The following PCSK5 variants were observed in gnomAD, a reference collection of about 807,000 sequenced individuals.
The protein encoded by PCSK5 is proprotein convertase subtilisin/kexin type 5.
Under a neutral mutation model 233.2 loss-of-function variants are expected in PCSK5, and 129 were observed. The observed-to-expected ratio is 0.55, with a 90% confidence interval of 0.48 to 0.64. PCSK5 has a LOEUF of 0.64. PCSK5 is among the 30% of genes least tolerant of loss of function. The pLI is 0.00. For synonymous variants in PCSK5, 825 were observed against 879.2 expected, an observed-to-expected ratio of 0.94 and a Z score of 1.09; for missense variants, 2,076 against 2,430.1, an observed-to-expected ratio of 0.85 and a Z score of 3.06.
intron 5 of PCSK5, among the ~76,000 whole-genome samples, chr9:76,040,845 A>G (rs566552889): frequency 5.3e-5 from 8 of 152,354 alleles, no homozygotes; most frequent in African/African-American, 1.9e-4. Flanking sequence ...ATTTCTGAAT[A>G]CCTAGTAGAA....
intron 24 of PCSK5, 121 bp downstream of exon 24, chr9:76,240,805 T>C (rs1826407159): frequency 1.4e-6 from 1 of 695,040 alleles, no homozygotes; most frequent in Non-Finnish European, 2.6e-6. Flanking sequence ...AGTGACACCA[T>C]CAACGTCTTA....
intron 20 of PCSK5, chr9:76,194,105 C>T (rs1313658126): frequency 6.6e-6 from 1 of 152,318 alleles, no homozygotes; most frequent in African/African-American, 2.4e-5. Context: ...TCTGTATAGT[C>T]AAATTGGTGA....
chr9:76,301,289 AAAAG>A (rs1196843437), intron 27 of PCSK5, among the ~76,000 whole-genome samples: 1 of 151,296 alleles, frequency 6.6e-6, no homozygotes. Flanking sequence ...AAAAAGAAAG[AAAAG>A]AAAGAAAGCC....
intron 5 of PCSK5, among the ~76,000 whole-genome samples, chr9:76,032,107 T>G (rs1287627132): frequency 1.3e-5 from 2 of 152,198 alleles, no homozygotes; most frequent in Non-Finnish European, 2.9e-5. Context: ...TCCTTGAATT[T>G]GATATAAAAT....
intron 13 of PCSK5, 51 bp from the exon 14 acceptor site, chr9:76,174,935 G>A (rs1823505549): frequency 1.3e-6 from 2 of 1,539,578 alleles, no homozygotes; most frequent in South Asian, 1.3e-5. Context: ...ATGTTACAGA[G>A]CTAAAGAGGG....
intron 24 of PCSK5, among the ~76,000 whole-genome samples, chr9:76,266,889 A>G (rs1827349777): frequency 7.5e-6 from 1 of 133,994 alleles, no homozygotes; most frequent in African/African-American, 2.9e-5. Flanking sequence ...CTTTGGACTA[A>G]CAACACAGCC....
In PCSK5 at chr9:76,361,943, C is replaced by T. The variant is rs1464615703; in HGVS notation, c.*3021C>T. The T allele has an allele frequency of 6.6e-6, 1 of 151,950 alleles. No individual in the cohort carries two copies. Among genetic ancestry groups the T allele is most frequent in the African/African-American group, 2.4e-5 (1 of 41,366 alleles). 9.4% of individuals were successfully genotyped at this position (151,950 alleles called of 1,614,324 possible). On this transcript the variant is annotated 3_prime_UTR_variant, in exon 38 of 38. Coordinates refer to ENST00000674117, the MANE Select transcript of PCSK5 (RefSeq NM_001372043.1). ...TGAGTTTGACATTTCTTTCTGTAAA[C>T]TGGAAATTGTTTTCTATGAAAAAAA...
intron 24 of PCSK5, among the ~76,000 whole-genome samples, chr9:76,266,372 T>C (rs1165991656): frequency 2.0e-5 from 3 of 152,196 alleles, no homozygotes; most frequent in East Asian, 1.9e-4. Context: ...TAATTGGCAA[T>C]AATGGGCCAA....
At chr9:76,353,744 G>A (rs953058847) in intron 36 of PCSK5, among the ~76,000 whole-genome samples, 1 of 152,214 alleles carries the variant, frequency 6.6e-6, no homozygotes. Flanking sequence ...GACCTGAGCT[G>A]TCCTTGAGCA....
intron 1 of PCSK5, among the ~76,000 whole-genome samples, chr9:75,920,215 C>T (rs1395609897): frequency 6.6e-6 from 1 of 152,140 alleles, no homozygotes; most frequent in Non-Finnish European, 1.5e-5. Flanking sequence ...GGGGGAGCTT[C>T]TCCTCCTAAT....
chr9:76,362,260 CA>C lies in PCSK5; in HGVS notation c.*3342del, dbSNP rs1830442335. On this transcript the variant is annotated 3_prime_UTR_variant, in exon 38 of 38. Coordinates refer to ENST00000674117, the MANE Select transcript of PCSK5 (RefSeq NM_001372043.1). The stretch of plus-strand genomic sequence containing the variant: ...GAATCCTTGTAGACTGGAAACACAC[CA>C]AAAGGCTGGGTAAAGCATGGGAGGT... The C allele has an allele frequency of 6.6e-6, 1 of 152,088 alleles. No homozygotes were observed. Among genetic ancestry groups the C allele is most frequent in the Non-Finnish European group, 1.5e-5 (1 of 68,006 alleles). The allele number at this position is 152,088 out of a possible 1,614,324, so 9.4% of individuals were successfully genotyped here. A position where few individuals can be genotyped will look rare whatever the true frequency, so the allele number is the denominator to read the frequency against.
intron 5 of PCSK5, among the ~76,000 whole-genome samples, chr9:76,032,775 A>G (rs1828701837): frequency 6.6e-6 from 1 of 152,154 alleles, no homozygotes; most frequent in African/African-American, 2.4e-5. Flanking sequence ...TTCCAATAAA[A>G]TGAATTATTG....
intron 5 of PCSK5, among the ~76,000 whole-genome samples, chr9:76,028,660 T>C (rs1226521109): frequency 2.0e-5 from 3 of 152,074 alleles, no homozygotes; most frequent in Non-Finnish European, 4.4e-5. Context: ...CAGGAGCAAT[T>C]TGGGGAGTTC....
chr9:76,208,231 G>T (rs566128800), intron 20 of PCSK5, among the ~76,000 whole-genome samples: 3 of 152,128 alleles, frequency 2.0e-5, no homozygotes, highest in Non-Finnish European at 4.4e-5. Context: ...AACCGTAGCA[G>T]GTCCCAAGGA....
intron 1 of PCSK5, among the ~76,000 whole-genome samples, chr9:75,924,918 C>CT (rs1428124857): frequency 6.6e-6 from 1 of 152,166 alleles, no homozygotes; most frequent in Non-Finnish European, 1.5e-5. Context: ...TTCTTACACT[C>CT]TGTGAGCCTC....
chr9:76,267,255 C>T (rs1827361465), intron 24 of PCSK5, among the ~76,000 whole-genome samples: 1 of 152,120 alleles, frequency 6.6e-6, no homozygotes, highest in Non-Finnish European at 1.5e-5. Flanking sequence ...GAAGTGCTTT[C>T]ATAAAACAAT....
chr9:75,914,342 G>GT (rs1441722889), intron 1 of PCSK5, among the ~76,000 whole-genome samples: 1 of 152,084 alleles, frequency 6.6e-6, no homozygotes, highest in Non-Finnish European at 1.5e-5. Context: ...GTCAGATTTG[G>GT]TTGTTACTTA....
At chr9:76,193,402 ATTATT>A (rs1455619498) in intron 20 of PCSK5, 11 of 1,017,640 alleles carry the variant, frequency 1.1e-5, no homozygotes, top group Non-Finnish European at 7.6e-6. Flanking sequence ...ATTATTCCAT[ATTATT>A]AAAAAGAAAA....
At chr9:75,958,184 G>A (rs1013292486) in intron 2 of PCSK5, among the ~76,000 whole-genome samples, 7 of 152,180 alleles carry the variant, frequency 4.6e-5, no homozygotes, top group Non-Finnish European at 1.0e-4. Flanking sequence ...TGCATTCACA[G>A]TTGTAAGATT....
Sources: gnomAD v4.1 joint callset for allele counts (sites outside exome capture counted in the v4.1 genomes callset) on GRCh38, gnomAD v4.1.1 for gene constraint, MANE v1.5 for transcripts, NCBI Gene and HGNC (gene_info 2026-07-23, HGNC 2026-07-21) for gene names.